Variants in ALG1L2 observed in about 807,000 individuals in gnomAD.
ALG1L2 encodes ALG1 chitobiosyldiphosphodolichol beta-mannosyltransferase like 2, also known as putative glycosyltransferase ALG1L2.
ALG1L2 carries 32 observed loss-of-function variants against 29.0 expected under a neutral mutation model. That is an observed-to-expected ratio of 1.10 (90% CI 0.83 to 1.48). The LOEUF is 1.48. Among genes scored for constraint, ALG1L2 ranks in the 40% most tolerant of loss-of-function variants. The probability of loss-of-function intolerance (pLI) is 0.00; values close to 1 mark genes in which losing one functional copy is unlikely to be tolerated. For missense variants in ALG1L2, 318 were observed against 274.1 expected, an observed-to-expected ratio of 1.16 and a Z score of -1.13; for synonymous variants, 110 against 109.5, an observed-to-expected ratio of 1.00 and a Z score of -0.03.
chr3:130,088,633 G>C (rs527800291), intron 1 of ALG1L2, among the ~76,000 whole-genome samples: 1 of 152,382 alleles, frequency 6.6e-6, no homozygotes, highest in South Asian at 2.1e-4. Flanking sequence ...GGCCAGGCTG[G>C]TCTCAAACTC....
Position 130,091,271 on chromosome 3 carries a change from G to C in ALG1L2, c.31G>C (p.Val11Leu), listed in dbSNP as rs572831370. 4.6e-5 allele frequency: 74 copies of C among 1,599,322 alleles called. No homozygotes were observed. Among genetic ancestry groups the C allele is most frequent in the Non-Finnish European group, 6.1e-5 (72 of 1,179,672 alleles). Reference protein sequence around the residue: MGATAGWAVTVYDKPASFFKE... With the variant: MGATAGWAVTLYDKPASFFKE... ...ATGATTTCATTGCAGGGCTGTGACC[G>C]TCTACGACAAGCCGGCATCTTTCTT... Residue 11 changes from valine (V) to leucine (L), a missense_variant, in exon 2 of 8, where the codon GTC becomes CTC. Transcript: ENST00000425059.
chr3:130,086,456 C>A (rs1934892402), intron 1 of ALG1L2, among the ~76,000 whole-genome samples: 1 of 150,750 alleles, frequency 6.6e-6, no homozygotes, highest in South Asian at 2.1e-4. Flanking sequence ...CCCTTGAAGC[C>A]AAGAGTCCAA....
chr3:130,082,544 G>A (rs1157460889), intron 1 of ALG1L2, among the ~76,000 whole-genome samples: 2 of 131,212 alleles, frequency 1.5e-5, no homozygotes, highest in African/African-American at 5.1e-5. Context: ...CACCATATTG[G>A]CCAGGCTGGT....
chr3:130,092,727 G>A (rs985268844), intron 3 of ALG1L2, among the ~76,000 whole-genome samples: 1 of 152,162 alleles, frequency 6.6e-6, no homozygotes, highest in African/African-American at 2.4e-5. Flanking sequence ...TCTGGCTACT[G>A]TTTATTTAAA....
chr3:130,094,884 G>C (rs946423252), intron 5 of ALG1L2, among the ~76,000 whole-genome samples: 16 of 152,332 alleles, frequency 1.1e-4, no homozygotes, highest in African/African-American at 3.8e-4. Context: ...CGCCTCACCA[G>C]TGAGATGGTT....
At chr3:130,083,931 A>C (rs1357497096) in intron 1 of ALG1L2, among the ~76,000 whole-genome samples, 8 of 151,236 alleles carry the variant, frequency 5.3e-5, no homozygotes, top group Non-Finnish European at 1.0e-4. Flanking sequence ...GGATTTAGGC[A>C]TGGCTGCAGG....
chr3:130,086,387 G>A (rs1265410529), intron 1 of ALG1L2, among the ~76,000 whole-genome samples: 5 of 147,354 alleles, frequency 3.4e-5, no homozygotes, highest in African/African-American at 1.2e-4. Flanking sequence ...AAAGACAGAG[G>A]TGGGCATGGT....
At chr3:130,097,393 G>A in intron 7 of ALG1L2, 143 bp downstream of exon 7, 2 of 1,360,934 alleles carry the variant, frequency 1.5e-6, no homozygotes, top group African/African-American at 1.5e-5. Context: ...AGAAGTCACA[G>A]AGGCTGGCCT....
Position 130,081,838 on chromosome 3 carries a change from G to A in ALG1L2, c.-179G>A, listed in dbSNP as rs1184683770. 1.1e-6 allele frequency: 1 copy of A among 879,018 alleles called. No homozygotes were observed. The highest frequency in any genetic ancestry group is 1.8e-6 in the Non-Finnish European group (1 of 555,892). The allele number at this position is 879,018 out of a possible 1,614,324, so 54.5% of individuals were successfully genotyped here. A position where few individuals can be genotyped will look rare whatever the true frequency, so the allele number is the denominator to read the frequency against. On this transcript the variant is annotated 5_prime_UTR_variant, in exon 1 of 8. It adds an upstream start codon to the 5' untranslated region. Transcript: ENST00000425059. The stretch of plus-strand genomic sequence containing the variant: ...GATGAGGAAGGCTTCCAGGTGGGAG[G>A]TGACACCAGGAGGTAACCAGGTGGA...
intron 1 of ALG1L2, among the ~76,000 whole-genome samples, chr3:130,088,217 C>T (rs1159816676): frequency 6.6e-6 from 1 of 152,290 alleles, no homozygotes; most frequent in East Asian, 1.9e-4. Flanking sequence ...GGAAGTGCCT[C>T]AGTGGCCAAT....
At chr3:130,085,858 C>A (rs148603145) in intron 1 of ALG1L2, among the ~76,000 whole-genome samples, 2 of 149,492 alleles carry the variant, frequency 1.3e-5, no homozygotes, top group African/African-American at 4.8e-5. Flanking sequence ...TCCGCAAAAA[C>A]GCAATGTTTC....
chr3:130,092,823 GA>G (rs1935046532), intron 3 of ALG1L2, among the ~76,000 whole-genome samples: 1 of 152,144 alleles, frequency 6.6e-6, no homozygotes, highest in South Asian at 2.1e-4. Context: ...CTGAGGTCAG[GA>G]GTTTGAGACC....
At chr3:130,093,047 A>T in intron 3 of ALG1L2, 54 bp from the exon 4 acceptor site, 4 of 1,512,630 alleles carry the variant, frequency 2.6e-6, no homozygotes, top group Non-Finnish European at 3.6e-6. Context: ...AAAAAAAAAA[A>T]AAAAAAATTA....
At chr3:130,091,965 G>T (rs1206383928) in intron 2 of ALG1L2, 136 bp from the exon 3 acceptor site, 2 of 1,413,134 alleles carry the variant, frequency 1.4e-6, no homozygotes, top group South Asian at 1.3e-5. Flanking sequence ...GATTGGCAGG[G>T]GTGGCCTGGT....
At chr3:130,095,878 C>T (rs1935118331) in intron 5 of ALG1L2, among the ~76,000 whole-genome samples, 171 bp from the exon 6 acceptor site, 1 of 152,198 alleles carries the variant, frequency 6.6e-6, no homozygotes, top group Non-Finnish European at 1.5e-5. Context: ...TTTCAGATGT[C>T]CCAGCCAGGC....
Position 130,094,478 on chromosome 3 carries a change from C to T in ALG1L2, c.389C>T (p.Pro130Leu). Residue 130 changes from proline (P) to leucine (L), a missense_variant, in exon 5 of 8, where the codon CCC becomes CTC. Pro to Leu is a moderately conservative substitution (Grantham distance 98). Coordinates refer to ENST00000425059, the MANE Select transcript of ALG1L2 (RefSeq NM_001136152.1). ...TTCCAGCACATCCAGGTCTGCATCCCCTGGCTGGAGGGCCGAGGACTACCC... is the reference window on the plus strand; with the variant it reads ...TTCCAGCACATCCAGGTCTGCATCCTCTGGCTGGAGGGCCGAGGACTACCC... ...KHFQHIQVCI[P>L]WLEGRGLPPL... The T allele has an allele frequency of 6.3e-7, 1 of 1,596,244 alleles. No individual in the cohort carries two copies. Among genetic ancestry groups the T allele is most frequent in the Non-Finnish European group, 8.5e-7 (1 of 1,179,642 alleles).
chr3:130,086,857 C>T (rs1447715247), intron 1 of ALG1L2, among the ~76,000 whole-genome samples: 1 of 151,500 alleles, frequency 6.6e-6, no homozygotes, highest in Non-Finnish European at 1.5e-5. Flanking sequence ...CTCTCCCACA[C>T]CCCTCTGGCT....
chr3:130,082,343 A>ATGTTTTGTCTTGTTTTGTTTTGTTT (rs1934805157), intron 1 of ALG1L2, among the ~76,000 whole-genome samples: 1 of 119,564 alleles, frequency 8.4e-6, no homozygotes, highest in Admixed American at 9.0e-5. Context: ...GTGTGAATCT[A>ATGTTTTGTCTTGTTTTGTTTTGTTT]TGTTTTGTTT....
At chr3:130,086,727 A>AT (rs1282493747) in intron 1 of ALG1L2, among the ~76,000 whole-genome samples, 1 of 132,514 alleles carries the variant, frequency 7.5e-6, no homozygotes, top group African/African-American at 2.5e-5. Flanking sequence ...CAAAACGTAG[A>AT]AAAAGGAAAT....
Sources: gnomAD v4.1 joint callset for allele counts (sites outside exome capture counted in the v4.1 genomes callset) on GRCh38, gnomAD v4.1.1 for gene constraint, MANE v1.5 for transcripts, NCBI Gene and HGNC (gene_info 2026-07-23, HGNC 2026-07-21) for gene names.